The following THAP5 variants were observed in gnomAD, a reference collection of about 807,000 sequenced individuals.
The protein encoded by THAP5 is THAP domain containing 5.
In THAP5, 26 loss-of-function variants were observed where a neutral mutation model predicts 34.0. The observed-to-expected ratio is 0.77, with a 90% confidence interval of 0.56 to 1.06. The LOEUF is 1.06. THAP5 is among the 50% of genes least tolerant of loss of function. THAP5 has a pLI of 0.00. For synonymous variants in THAP5, 125 were observed against 153.0 expected (o/e 0.82, Z 1.35); for missense variants, 394 against 452.8 (o/e 0.87, Z 1.18).
the THAP5 span, among the ~76,000 whole-genome samples, chr7:108,543,606 T>C: frequency 1.3e-5 from 2 of 152,352 alleles, no homozygotes; most frequent in African/African-American, 4.8e-5. Context: ...GAAAGTCGTC[T>C]TTAAAATGTT....
chr7:108,560,319 G>A (rs1864417448), downstream of THAP5, among the ~76,000 whole-genome samples: 1 of 152,188 alleles, frequency 6.6e-6, no homozygotes, highest in Non-Finnish European at 1.5e-5. Flanking sequence ...CTCACCCACA[G>A]CCTCTTTTTC....
the THAP5 span, among the ~76,000 whole-genome samples, chr7:108,544,762 A>G: frequency 6.6e-6 from 1 of 151,904 alleles, no homozygotes; most frequent in African/African-American, 2.4e-5. Context: ...GGCTTAAGCA[A>G]TTCTCCTGCC....
At chr7:108,553,620 C>T (rs1864367360), downstream of THAP5, among the ~76,000 whole-genome samples, 1 of 152,110 alleles carries the variant, frequency 6.6e-6, no homozygotes, top group Admixed American at 6.5e-5. Context: ...ACATAGGTCC[C>T]AGTTCCTGAA....
the THAP5 span, among the ~76,000 whole-genome samples, chr7:108,543,170 G>A: frequency 6.6e-5 from 10 of 151,056 alleles, no homozygotes; most frequent in Admixed American, 2.0e-4. Flanking sequence ...CTCATGATCC[G>A]CCCGCCTCAG....
chr7:108,558,147 C>A (rs1166973959), downstream of THAP5, among the ~76,000 whole-genome samples: 3 of 151,868 alleles, frequency 2.0e-5, no homozygotes, highest in Non-Finnish European at 4.4e-5. Context: ...ACCCCCCTTC[C>A]TCCAACACAT....
downstream of THAP5, among the ~76,000 whole-genome samples, chr7:108,559,329 C>T (rs40935): frequency 0.02 from 3,116 of 152,268 alleles, 106 homozygotes; most frequent in African/African-American, 0.071. Flanking sequence ...CATGAAAATA[C>T]GAGAGTGTTT....
chr7:108,569,370 G>A (rs1252458321), intron 1 of THAP5, 120 bp downstream of exon 1: 14 of 1,509,816 alleles, frequency 9.3e-6, no homozygotes, highest in African/African-American at 8.4e-5. Flanking sequence ...CGCGGGCGAC[G>A]GGCCACGTAC....
At chr7:108,565,402 T>G (rs768912988) in intron 2 of THAP5, 17 of 207,954 alleles carry the variant, frequency 8.2e-5, no homozygotes, top group Non-Finnish European at 1.4e-4. Flanking sequence ...CCCCCATCCC[T>G]ACTAAAAATA....
At chr7:108,568,093 A>T (rs1790524420) in intron 1 of THAP5, among the ~76,000 whole-genome samples, 1 of 152,236 alleles carries the variant, frequency 6.6e-6, no homozygotes, top group Admixed American at 6.5e-5. Flanking sequence ...CTATAAACTG[A>T]AAGTGGATTA....
At chr7:108,545,286 A>G in the THAP5 span, among the ~76,000 whole-genome samples, 4 of 152,250 alleles carry the variant, frequency 2.6e-5, no homozygotes, top group South Asian at 8.3e-4. Context: ...GTGTAGTGAA[A>G]GTGACTTTTC....
At chr7:108,547,517 ATAT>A in the THAP5 span, among the ~76,000 whole-genome samples, 3 of 152,206 alleles carry the variant, frequency 2.0e-5, no homozygotes, top group African/African-American at 4.8e-5. Context: ...TTGAACTTAC[ATAT>A]TATTTTCCAG....
the THAP5 span, among the ~76,000 whole-genome samples, chr7:108,543,047 C>T: frequency 6.6e-6 from 1 of 152,042 alleles, no homozygotes; most frequent in African/African-American, 2.4e-5. Context: ...CTGCCTGAGC[C>T]TCCCGAGTAG....
chr7:108,555,922 C>T (rs1417620978), intron 1 of THAP5, among the ~76,000 whole-genome samples: 3 of 151,906 alleles, frequency 2.0e-5, no homozygotes, highest in Admixed American at 6.6e-5. Context: ...AGGCTGGTCT[C>T]GAACTCCTGA....
At chr7:108,558,482 C>G (rs758256020), downstream of THAP5, among the ~76,000 whole-genome samples, 58 of 148,660 alleles carry the variant, frequency 3.9e-4, no homozygotes, top group Non-Finnish European at 7.0e-4. Flanking sequence ...AGTGCAACCT[C>G]CGCCTCCTGG....
At chr7:108,569,436 A>T in intron 1 of THAP5, 54 bp downstream of exon 1, 6 of 1,550,676 alleles carry the variant, frequency 3.9e-6, no homozygotes, top group Non-Finnish European at 5.2e-6. Context: ...CCCAAAGGCC[A>T]CAGGTCCAAG....
chr7:108,565,639 C>A, intron 2 of THAP5, 191 bp downstream of exon 2: 1 of 450,824 alleles, frequency 2.2e-6, no homozygotes, highest in Non-Finnish European at 3.9e-6. Context: ...TCTCTTGCTT[C>A]TCTTAAGCTG....
At chr7:108,543,396 T>C in the THAP5 span, among the ~76,000 whole-genome samples, 1 of 152,112 alleles carries the variant, frequency 6.6e-6, no homozygotes, top group African/African-American at 2.4e-5. Flanking sequence ...CCCTAGAACA[T>C]CAAGCAAGTC....
the THAP5 span, among the ~76,000 whole-genome samples, chr7:108,547,447 AT>A: frequency 1.3e-5 from 2 of 152,232 alleles, no homozygotes; most frequent in Non-Finnish European, 2.9e-5. Context: ...TCTCTCTGAA[AT>A]TAGCTCCTAC....
chr7:108,546,163 T>A, the THAP5 span, among the ~76,000 whole-genome samples: 1 of 152,210 alleles, frequency 6.6e-6, no homozygotes, highest in Non-Finnish European at 1.5e-5. Flanking sequence ...CAGTTCACTT[T>A]ATCAACCATC....
Sources: gnomAD v4.1 joint callset for allele counts (sites outside exome capture counted in the v4.1 genomes callset) on GRCh38, gnomAD v4.1.1 for gene constraint, MANE v1.5 for transcripts, NCBI Gene and HGNC (gene_info 2026-07-23, HGNC 2026-07-21) for gene names.